The following GRM8 variants were observed in gnomAD, a reference collection of about 807,000 sequenced individuals.
The protein encoded by GRM8 is metabotropic glutamate receptor 8.
In GRM8, 47 loss-of-function variants were observed where a neutral mutation model predicts 87.2. That is an observed-to-expected ratio of 0.54 (90% CI 0.43 to 0.69). The LOEUF (loss-of-function observed/expected upper bound fraction) is 0.69. Among genes scored for constraint, GRM8 ranks in the 30% least tolerant of loss-of-function variants. The pLI, the probability that GRM8 is intolerant of heterozygous loss-of-function variation, is 0.00. For missense variants in GRM8, 1,019 were observed against 1,139.2 expected (o/e 0.89, Z 1.52); for synonymous variants, 396 against 404.5 (o/e 0.98, Z 0.25).
intron 3 of GRM8, among the ~76,000 whole-genome samples, chr7:127,022,708 ATTGTAATGCAAGAGTATTATAC>A (rs1355377881): frequency 3.9e-5 from 6 of 152,140 alleles, no homozygotes; most frequent in Non-Finnish European, 8.8e-5. Flanking sequence ...AATCTCATTA[ATTGTAATGCAAGAGTATTATAC>A]TTGTAATGCA....
At chr7:127,069,972 A>G (rs1586911330) in intron 3 of GRM8, among the ~76,000 whole-genome samples, 1 of 152,222 alleles carries the variant, frequency 6.6e-6, no homozygotes, top group Admixed American at 6.5e-5. Flanking sequence ...TTCCCTGCCA[A>G]TATCCTATCT....
intron 7 of GRM8, among the ~76,000 whole-genome samples, chr7:126,722,777 A>G (rs913238606): frequency 6.6e-6 from 1 of 151,138 alleles, no homozygotes; most frequent in African/African-American, 2.4e-5. Context: ...CTGTCACATT[A>G]TAACTTGTTC....
At chr7:126,636,399 G>A (rs566073384) in intron 7 of GRM8, among the ~76,000 whole-genome samples, 2 of 152,050 alleles carry the variant, frequency 1.3e-5, no homozygotes, top group Admixed American at 6.6e-5. Context: ...ACATCCTCCT[G>A]TATATTTTAA....
chr7:126,446,489 G>T, intron 9 of GRM8, 117 bp from the exon 10 acceptor site: 1 of 663,062 alleles, frequency 1.5e-6, no homozygotes, highest in Non-Finnish European at 2.6e-6. Flanking sequence ...ACATTAAAAG[G>T]CACTTATTGA....
intron 8 of GRM8, among the ~76,000 whole-genome samples, chr7:126,604,718 A>G (rs1563002218): frequency 6.6e-6 from 1 of 152,172 alleles, no homozygotes. Flanking sequence ...TGATCACCAT[A>G]TTACAATGCA....
intron 2 of GRM8, among the ~76,000 whole-genome samples, chr7:127,241,968 C>T (rs1237515742): frequency 6.6e-6 from 1 of 152,126 alleles, no homozygotes. Context: ...AGTATTTTTA[C>T]ATATATTATT....
intron 3 of GRM8, among the ~76,000 whole-genome samples, chr7:127,065,022 C>T (rs1331116133): frequency 6.6e-6 from 1 of 152,110 alleles, no homozygotes; most frequent in Admixed American, 6.5e-5. Context: ...TGGGTATACA[C>T]CCAGAGGAAT....
chr7:126,765,911 T>A (rs1818146031), intron 7 of GRM8, among the ~76,000 whole-genome samples: 1 of 152,080 alleles, frequency 6.6e-6, no homozygotes, highest in South Asian at 2.1e-4. Flanking sequence ...TTTTCAGTGA[T>A]TTTAAAAAAT....
At chr7:126,927,270 G>C (rs1479233885) in intron 3 of GRM8, among the ~76,000 whole-genome samples, 4 of 152,204 alleles carry the variant, frequency 2.6e-5, no homozygotes, top group African/African-American at 9.6e-5. Context: ...CAAGTAGCTA[G>C]GACTACAGCC....
chr7:126,758,142 T>C (rs144633094), intron 7 of GRM8, among the ~76,000 whole-genome samples: 151 of 152,258 alleles, frequency 9.9e-4, no homozygotes, highest in African/African-American at 3.6e-3. Context: ...GGGCATGTAT[T>C]TGGTGAGTTT....
At chr7:126,578,621 T>C (rs1795319716) in intron 8 of GRM8, among the ~76,000 whole-genome samples, 1 of 152,136 alleles carries the variant, frequency 6.6e-6, no homozygotes. Flanking sequence ...CAGATGGCTG[T>C]CATGCTGCAG....
chr7:126,763,470 T>TACAC (rs1170149659), intron 7 of GRM8, among the ~76,000 whole-genome samples: 7 of 45,844 alleles, frequency 1.5e-4, no homozygotes, highest in East Asian at 7.0e-4. Flanking sequence ...TATATATATA[T>TACAC]ATACACACAC....
intron 7 of GRM8, among the ~76,000 whole-genome samples, chr7:126,621,676 C>A (rs1428001648): frequency 1.3e-5 from 2 of 152,058 alleles, no homozygotes; most frequent in Non-Finnish European, 2.9e-5. Context: ...ACCTCTGCCT[C>A]CCAAAGTGCT....
chr7:127,139,661 C>T (rs567061832), intron 2 of GRM8, among the ~76,000 whole-genome samples: 2 of 152,126 alleles, frequency 1.3e-5, no homozygotes, highest in South Asian at 4.1e-4. Flanking sequence ...TACATCATTA[C>T]GATTGTTTTC....
intron 2 of GRM8, among the ~76,000 whole-genome samples, chr7:127,174,844 G>A (rs932706370): frequency 3.3e-5 from 5 of 152,062 alleles, no homozygotes; most frequent in African/African-American, 7.2e-5. Context: ...TTTCCAGTAC[G>A]TAGGCTTCCA....
At chr7:126,470,115 CT>C (rs1804985540) in intron 9 of GRM8, among the ~76,000 whole-genome samples, 2 of 152,148 alleles carry the variant, frequency 1.3e-5, no homozygotes, top group African/African-American at 2.4e-5. Flanking sequence ...CATTTTGCCC[CT>C]GCCTTAGAGA....
chr7:126,846,083 G>A (rs1362710444), intron 6 of GRM8, among the ~76,000 whole-genome samples: 1 of 151,650 alleles, frequency 6.6e-6, no homozygotes. Flanking sequence ...TCCAAATATT[G>A]TACACATATT....
At chr7:126,876,622 T>C (rs2130946239) in intron 6 of GRM8, among the ~76,000 whole-genome samples, 1 of 152,302 alleles carries the variant, frequency 6.6e-6, no homozygotes, top group Non-Finnish European at 1.5e-5. Flanking sequence ...AAACAGTTTT[T>C]CGTCATATAA....
intron 6 of GRM8, among the ~76,000 whole-genome samples, chr7:126,801,901 A>G (rs1447197705): frequency 6.6e-6 from 1 of 152,192 alleles, no homozygotes; most frequent in Non-Finnish European, 1.5e-5. Context: ...AAAAGAGTTA[A>G]ACATCAACAT....
Sources: gnomAD v4.1 joint callset for allele counts (sites outside exome capture counted in the v4.1 genomes callset) on GRCh38, gnomAD v4.1.1 for gene constraint, MANE v1.5 for transcripts, NCBI Gene and HGNC (gene_info 2026-07-23, HGNC 2026-07-21) for gene names.